Variants in DNAH5 observed in about 807,000 individuals in gnomAD.
DNAH5 encodes dynein axonemal heavy chain 5.
Under a neutral mutation model 518.2 loss-of-function variants are expected in DNAH5, and 372 were observed. The observed-to-expected ratio is 0.72, with a 90% confidence interval of 0.66 to 0.78. The LOEUF (loss-of-function observed/expected upper bound fraction) is 0.78, where lower values mean the gene tolerates loss of function less well. DNAH5 is among the 30% of genes least tolerant of loss of function. The pLI is 0.00. For synonymous variants in DNAH5, 2,039 were observed against 2,025.9 expected (o/e 1.01, Z -0.17); for missense variants, 5,523 against 5,687.0 (o/e 0.97, Z 0.93).
intron 41 of DNAH5, among the ~76,000 whole-genome samples, chr5:13,818,370 G>A (rs778294723): frequency 1.2e-4 from 19 of 152,144 alleles, no homozygotes; most frequent in Non-Finnish European, 1.8e-4. Context: ...GGGCCAAGGC[G>A]GGCAGATCAT....
chr5:13,882,706 A>T, intron 21 of DNAH5, 22 bp downstream of exon 21: 1 of 1,580,188 alleles, frequency 6.3e-7, no homozygotes, highest in Non-Finnish European at 8.7e-7. Context: ...TGCCTCTTTT[A>T]AAAGACTAAA....
At chr5:13,923,254 A>G in intron 4 of DNAH5, 26 bp downstream of exon 4, 1 of 1,614,040 alleles carries the variant, frequency 6.2e-7, no homozygotes, top group Non-Finnish European at 8.5e-7. Flanking sequence ...GGTAATTCAG[A>G]GTAAACAATG....
rs141048475 is a variant in DNAH5, at chr5:13,854,211, C to T, written c.4951-3396G>A. Among the ~76,000 whole-genome samples, 250 of 152,260 alleles carry T rather than the reference C, an allele frequency of 1.6e-3. 4 individuals are homozygous for T. The East Asian group carries it at 0.04, about 24-fold the overall frequency. ...CCTACAAGCCATAAGAGAGTGGGGG[C>T]CAATATTCAACATTCTTAAAAGAAT... On this transcript the variant is annotated intron_variant, in intron 30 of 78. Coordinates refer to ENST00000265104, the MANE Select transcript of DNAH5 (RefSeq NM_001369.3).
At chr5:13,834,947 A>G (rs6875655) in intron 35 of DNAH5, among the ~76,000 whole-genome samples, 62,958 of 152,082 alleles carry the variant, frequency 0.41, 13,462 homozygotes, top group East Asian at 0.6. Context: ...AGACTGTACG[A>G]GGACAACGAC....
intron 1 of DNAH5, among the ~76,000 whole-genome samples, chr5:13,967,927 C>A (rs1334084613): frequency 6.6e-6 from 1 of 152,100 alleles, no homozygotes; most frequent in Non-Finnish European, 1.5e-5. Flanking sequence ...TTTCACAATA[C>A]TGATTCTACC....
chr5:13,747,467 G>C (rs1323609860), intron 65 of DNAH5, among the ~76,000 whole-genome samples: 1 of 152,206 alleles, frequency 6.6e-6, no homozygotes, highest in Admixed American at 6.5e-5. Context: ...TCGCCACACT[G>C]TCTTCCACAA....
intron 43 of DNAH5, 22 bp downstream of exon 43, chr5:13,814,583 C>A (rs1397760438): frequency 1.2e-6 from 2 of 1,611,186 alleles, no homozygotes; most frequent in African/African-American, 2.7e-5. Context: ...TTTAATTATA[C>A]AAAAGAAGGA....
chr5:13,849,023 G>A (rs1437832803), intron 31 of DNAH5, among the ~76,000 whole-genome samples: 2 of 152,208 alleles, frequency 1.3e-5, no homozygotes, highest in African/African-American at 4.8e-5. Context: ...CAAGGTAGTG[G>A]GGTGGACAAC....
At chr5:13,861,952 C>CA (rs59674964) in intron 29 of DNAH5, among the ~76,000 whole-genome samples, 6,437 of 50,050 alleles carry the variant, frequency 0.13, 512 homozygotes, top group South Asian at 0.19. Context: ...GATTCCATCT[C>CA]AAAAAAAAAA....
chr5:13,979,429 A>AT (rs113768753), intron 1 of DNAH5, among the ~76,000 whole-genome samples: 2,362 of 152,170 alleles, frequency 0.016, 70 homozygotes, highest in African/African-American at 0.053. Flanking sequence ...CAGCACATGG[A>AT]TTTTTTAGTT....
intron 27 of DNAH5, among the ~76,000 whole-genome samples, chr5:13,865,051 G>A (rs577519305): frequency 7.0e-6 from 1 of 142,650 alleles, no homozygotes; most frequent in East Asian, 2.1e-4. Flanking sequence ...GCTCTGTGCA[G>A]TGGTGCAATC....
intron 47 of DNAH5, among the ~76,000 whole-genome samples, 191 bp from the exon 48 acceptor site, chr5:13,794,249 A>T (rs2126915815): frequency 1.3e-5 from 2 of 152,384 alleles, no homozygotes; most frequent in East Asian, 3.9e-4. Flanking sequence ...CAAAATTTGA[A>T]AATCCAGTTT....
chr5:13,709,207 A>C lies in DNAH5; in HGVS notation c.13126-872T>G, dbSNP rs1286696045. The stretch of plus-strand genomic sequence containing the variant: ...CTTAGTAGAAAACAGTGGGGTACAA[A>C]AGACACAAAATGCTACAGGATTCCT... On this transcript the variant is annotated intron_variant, in intron 75 of 78. Transcript: ENST00000265104. Among the ~76,000 whole-genome samples, 4 of 152,144 alleles carry C rather than the reference A, an allele frequency of 2.6e-5. No homozygotes were observed. The East Asian group carries it at 7.7e-4, about 29-fold the overall frequency.
chr5:13,841,091 A>T lies in DNAH5; in HGVS notation c.5524T>A (p.Ser1842Thr). The T allele has an allele frequency of 6.2e-7, 1 of 1,614,140 alleles. No individual in the cohort carries two copies. The highest frequency in any genetic ancestry group is 1.1e-5 in the South Asian group (1 of 91,082). The change falls in exon 34 of 79, where the codon TCA becomes ACA. Residue 1842 changes from serine to threonine, a missense_variant. Physicochemically the swap from Ser to Thr is moderately conservative, Grantham distance 58. Transcript: ENST00000265104. The stretch of plus-strand genomic sequence containing the variant: ...TTGGCATTTCTAAGGGCTTCTTCTG[A>T]ATCCCGTGTCCATATCATCTGAATT... ...LGIQMIWTRDSEEALRNAKFD... is the reference protein window; with the variant it reads ...LGIQMIWTRDTEEALRNAKFD...
intron 78 of DNAH5, among the ~76,000 whole-genome samples, chr5:13,699,649 G>A (rs1741824432): frequency 6.6e-6 from 1 of 152,204 alleles, no homozygotes; most frequent in Non-Finnish European, 1.5e-5. Flanking sequence ...AGGAGTTGGA[G>A]GTTGCAGTGA....
At chr5:13,998,438 A>G (rs1381278471) in intron 1 of DNAH5, among the ~76,000 whole-genome samples, 1 of 152,246 alleles carries the variant, frequency 6.6e-6, no homozygotes, top group Non-Finnish European at 1.5e-5. Flanking sequence ...CATTCAAACA[A>G]CAGAACTTTA....
intron 27 of DNAH5, among the ~76,000 whole-genome samples, chr5:13,865,353 C>A (rs576814756): frequency 6.6e-5 from 10 of 152,062 alleles, no homozygotes; most frequent in African/African-American, 2.4e-4. Context: ...TGGGCCCCTG[C>A]TTTTGTTCCA....
At chr5:13,715,070 C>A (rs1744116693) in intron 74 of DNAH5, among the ~76,000 whole-genome samples, 2 of 152,038 alleles carry the variant, frequency 1.3e-5, no homozygotes, top group Admixed American at 1.3e-4. Context: ...GAGTCATACC[C>A]ACCCAGGGAA....
rs113015239 is a variant in DNAH5 at position 13,867,590 on chromosome 5, T to C, written c.4053+184A>G. Reference sequence around the variant, plus strand: ...TTATAGCAGTGTGAAAACAGACTAATAGAAACTCTAAGGGGAAAGAATTGT... The same window carrying C: ...TTATAGCAGTGTGAAAACAGACTAACAGAAACTCTAAGGGGAAAGAATTGT... On this transcript the variant is annotated intron_variant, in intron 25 of 78. Coordinates refer to ENST00000265104, the MANE Select transcript of DNAH5 (RefSeq NM_001369.3). Among the ~76,000 whole-genome samples, 400 of 151,052 alleles carry C rather than the reference T, an allele frequency of 2.6e-3. 3 individuals carry two copies. Among genetic ancestry groups the C allele is most frequent in the African/African-American group, 9.4e-3 (385 of 41,174 alleles).
Sources: gnomAD v4.1 joint callset for allele counts (sites outside exome capture counted in the v4.1 genomes callset) on GRCh38, gnomAD v4.1.1 for gene constraint, MANE v1.5 for transcripts, NCBI Gene and HGNC (gene_info 2026-07-23, HGNC 2026-07-21) for gene names.